The following NOX4 variants were observed in gnomAD, a reference collection of about 807,000 sequenced individuals.
NOX4 encodes the protein kidney oxidase-1.
NOX4 carries 69 observed loss-of-function variants against 87.6 expected under a neutral mutation model. That is an observed-to-expected ratio of 0.79 (90% CI 0.65 to 0.96). NOX4 has a LOEUF of 0.96. NOX4 is among the 40% of genes least tolerant of loss of function. The pLI is 0.00. For synonymous variants in NOX4, 275 were observed against 238.2 expected, an observed-to-expected ratio of 1.15 and a Z score of -1.42; for missense variants, 680 against 681.5, an observed-to-expected ratio of 1.00 and a Z score of 0.02.
At chr11:89,586,202 T>A in the NOX4 span, among the ~76,000 whole-genome samples, 1 of 152,106 alleles carries the variant, frequency 6.6e-6, no homozygotes, top group Admixed American at 6.6e-5. Context: ...TTTCATTCCT[T>A]TGACTTCTCA....
chr11:89,351,251 A>C (rs1590991851), intron 13 of NOX4, among the ~76,000 whole-genome samples: 1 of 152,312 alleles, frequency 6.6e-6, no homozygotes, highest in Admixed American at 6.5e-5. Context: ...ACTCTCTTCT[A>C]TTCCATGAAG....
the NOX4 span, among the ~76,000 whole-genome samples, chr11:89,580,082 G>A: frequency 2.6e-5 from 4 of 152,150 alleles, no homozygotes; most frequent in African/African-American, 7.2e-5. Context: ...CTTGATGAGC[G>A]GGTTTTGTGT....
chr11:89,530,233 G>A, the NOX4 span, among the ~76,000 whole-genome samples: 2 of 150,122 alleles, frequency 1.3e-5, no homozygotes, highest in Non-Finnish European at 3.0e-5. Flanking sequence ...CAACATACTA[G>A]ATGTCTTCAG....
intron 8 of NOX4, among the ~76,000 whole-genome samples, chr11:89,419,325 C>A (rs1942961729): frequency 6.6e-6 from 1 of 151,908 alleles, no homozygotes; most frequent in Non-Finnish European, 1.5e-5. Flanking sequence ...AGTTGAAGAA[C>A]AAAGTTATCT....
At chr11:89,467,833 T>C (rs1387675261) in intron 2 of NOX4, among the ~76,000 whole-genome samples, 2 of 152,202 alleles carry the variant, frequency 1.3e-5, no homozygotes, top group African/African-American at 2.4e-5. Context: ...TTGGCGATGA[T>C]TATTCTCAAT....
the NOX4 span, among the ~76,000 whole-genome samples, chr11:89,564,570 G>T: frequency 6.6e-6 from 1 of 152,088 alleles, no homozygotes; most frequent in Non-Finnish European, 1.5e-5. Flanking sequence ...TTGAATCTAA[G>T]AGTAGTGACA....
At chr11:89,415,284 G>C (rs1223358856) in intron 8 of NOX4, among the ~76,000 whole-genome samples, 1 of 151,962 alleles carries the variant, frequency 6.6e-6, no homozygotes, top group Non-Finnish European at 1.5e-5. Context: ...TGATAATGCA[G>C]TTGTTAAGTT....
the NOX4 span, among the ~76,000 whole-genome samples, chr11:89,535,646 T>C: frequency 2.0e-5 from 3 of 152,104 alleles, no homozygotes; most frequent in Non-Finnish European, 4.4e-5. Flanking sequence ...GTGTCTCTCA[T>C]CTTCCAGACA....
At position 89,341,416 on chromosome 11, in the gene NOX4, C is replaced by T. The variant is rs371620335; in HGVS notation, c.1337+658G>A. On this transcript the variant is annotated intron_variant, in intron 14 of 17. Transcript: ENST00000263317. ...GGGATTACAGGTGTGAGCCAATGTG[C>T]CCGGCCACAATTTCACCTTTGAAGT... Among the ~76,000 whole-genome samples the T allele has an allele frequency of 7.0e-4, 107 of 152,206 alleles. No individual in the cohort carries two copies. In the East Asian group the frequency reaches 0.02, roughly 29 times the overall value.
chr11:89,527,642 G>C, the NOX4 span, among the ~76,000 whole-genome samples: 3 of 152,190 alleles, frequency 2.0e-5, no homozygotes, highest in African/African-American at 7.2e-5. Flanking sequence ...AAAGCCCCAA[G>C]CCTTGGCAGC....
At chr11:89,465,701 G>A (rs534164246) in intron 2 of NOX4, among the ~76,000 whole-genome samples, 2 of 152,178 alleles carry the variant, frequency 1.3e-5, no homozygotes, top group East Asian at 3.9e-4. Context: ...ATCTCATTGT[G>A]GTTTTGATTT....
the NOX4 span, among the ~76,000 whole-genome samples, chr11:89,581,577 G>A: frequency 6.6e-6 from 1 of 152,240 alleles, no homozygotes; most frequent in Non-Finnish European, 1.5e-5. Flanking sequence ...TACTACCTCT[G>A]ATTGGACTCC....
At chr11:89,543,383 A>G in the NOX4 span, among the ~76,000 whole-genome samples, 2 of 152,146 alleles carry the variant, frequency 1.3e-5, no homozygotes, top group Non-Finnish European at 2.9e-5. Context: ...ATTGTTCTAC[A>G]TATTAATTGG....
chr11:89,498,398 G>A (rs1457711428), upstream of NOX4, among the ~76,000 whole-genome samples: 2 of 152,010 alleles, frequency 1.3e-5, no homozygotes, highest in African/African-American at 2.4e-5. Context: ...CCAACCCAAC[G>A]TCAATCCAAA....
intron 2 of NOX4, among the ~76,000 whole-genome samples, chr11:89,456,956 G>A (rs979839193): frequency 6.6e-6 from 1 of 152,166 alleles, no homozygotes; most frequent in African/African-American, 2.4e-5. Flanking sequence ...TCTGTCTGCT[G>A]GCCTCTCCTG....
the NOX4 span, among the ~76,000 whole-genome samples, chr11:89,572,478 T>C: frequency 6.6e-6 from 1 of 152,198 alleles, no homozygotes; most frequent in Non-Finnish European, 1.5e-5. Context: ...GCTATTAAGT[T>C]CTTCTTGAGA....
At chr11:89,512,200 G>T in the NOX4 span, among the ~76,000 whole-genome samples, 1 of 151,912 alleles carries the variant, frequency 6.6e-6, no homozygotes, top group Non-Finnish European at 1.5e-5. Flanking sequence ...ATGGAACTAC[G>T]AACCACAATC....
chr11:89,429,587 C>T (rs145985712), intron 7 of NOX4, among the ~76,000 whole-genome samples: 1,766 of 152,152 alleles, frequency 0.012, 31 homozygotes, highest in African/African-American at 0.038. Flanking sequence ...AACACCTCTA[C>T]GCAAATAAAC....
the NOX4 span, among the ~76,000 whole-genome samples, chr11:89,529,731 T>C: frequency 1.3e-5 from 2 of 152,198 alleles, no homozygotes; most frequent in East Asian, 1.9e-4. Context: ...TTAAGTTCTG[T>C]CTCCAGACAG....
Sources: allele counts gnomAD v4.1 joint callset (sites outside exome capture counted in the v4.1 genomes callset), GRCh38; gene constraint gnomAD v4.1.1; transcripts MANE v1.5; gene names NCBI Gene and HGNC (gene_info 2026-07-23, HGNC 2026-07-21).